AMZ1: variants seen among roughly 807,000 people sequenced by gnomAD.
AMZ1 encodes the protein archaemetzincin-1.
A neutral mutation model predicts 29.9 loss-of-function variants in AMZ1; 39 were observed. The ratio of observed to expected loss-of-function variants is 1.30; its 90% confidence interval spans 1.01 to 1.70. The LOEUF is 1.70. Among genes scored for constraint, AMZ1 ranks in the 40% most tolerant of loss-of-function variants. The pLI, the probability that AMZ1 is intolerant of heterozygous loss-of-function variation, is 0.00. For missense variants in AMZ1, 1,041 were observed against 680.6 expected (o/e 1.53, Z -5.89); for synonymous variants, 458 against 304.0 (o/e 1.51, Z -5.27).
intron 4 of AMZ1, among the ~76,000 whole-genome samples, chr7:2,758,484 T>C (rs1178000292): frequency 6.6e-6 from 1 of 152,126 alleles, no homozygotes; most frequent in African/African-American, 2.4e-5. Flanking sequence ...CCCTGTGCAA[T>C]TTCTTCCCCT....
At chr7:2,723,911 GGCCAGATTTTTTTTTGA>G (rs1307443799), downstream of AMZ1, among the ~76,000 whole-genome samples, 1 of 152,072 alleles carries the variant, frequency 6.6e-6, no homozygotes, top group Non-Finnish European at 1.5e-5. Flanking sequence ...CTGGACTTCT[GGCCAGATTTTTTTTTGA>G]GACAGTCTTG....
intron 4 of AMZ1, among the ~76,000 whole-genome samples, chr7:2,749,278 T>C (rs798506): frequency 0.22 from 34,202 of 152,032 alleles, 4,590 homozygotes; most frequent in East Asian, 0.31. Flanking sequence ...CCAACAATGA[T>C]AGACTGGATT....
upstream of AMZ1, among the ~76,000 whole-genome samples, chr7:2,761,588 A>T (rs775439906): frequency 6.6e-6 from 1 of 152,226 alleles, no homozygotes; most frequent in Non-Finnish European, 1.5e-5. Context: ...CCTAGGATAC[A>T]AACAGTTCTC....
intron 4 of AMZ1, among the ~76,000 whole-genome samples, chr7:2,734,098 TCTC>T (rs952297366): frequency 2.6e-5 from 4 of 152,308 alleles, no homozygotes; most frequent in African/African-American, 7.2e-5. Context: ...TGGCCAGTCT[TCTC>T]CTGCCTGGAC....
At chr7:2,761,051 T>C (rs1791530466), upstream of AMZ1, among the ~76,000 whole-genome samples, 1 of 152,188 alleles carries the variant, frequency 6.6e-6, no homozygotes, top group Non-Finnish European at 1.5e-5. Context: ...CAATGACATG[T>C]AAACGGAGTC....
chr7:2,727,105 C>CA (rs534807496), intron 4 of AMZ1, among the ~76,000 whole-genome samples: 68 of 152,230 alleles, frequency 4.5e-4, no homozygotes, highest in Middle Eastern at 3.4e-3. Flanking sequence ...TTTTTGGAGA[C>CA]AGAGTCCCAC....
At position 2,742,214 on chromosome 7, in the gene AMZ1, G is replaced by A. The variant is rs1790542238; in HGVS notation, n.551-22498G>A. ...TTTTTGTATTTTTACTACAGACAGG[G>A]TTTTGCCCCATTTTGGCCAGGCTGG... On this transcript the variant is annotated intron_variant and non_coding_transcript_variant, in intron 4 of 4. Coordinates refer to the AMZ1 transcript ENST00000489665. Among the ~76,000 whole-genome samples the A allele has an allele frequency of 2.0e-5, 3 of 151,816 alleles. No homozygotes were observed. In the South Asian group the frequency reaches 6.3e-4, roughly 32 times the overall value.
At chr7:2,700,085 G>T (rs1458847697) in intron 1 of AMZ1, 149 bp from the exon 2 acceptor site, 1 of 240,340 alleles carries the variant, frequency 4.2e-6, no homozygotes, top group Admixed American at 4.9e-5. Context: ...TGGCAGTGCT[G>T]TGTCCTGGAG....
At chr7:2,686,474 C>G (rs1787082200), upstream of AMZ1, among the ~76,000 whole-genome samples, 1 of 152,132 alleles carries the variant, frequency 6.6e-6, no homozygotes, top group Non-Finnish European at 1.5e-5. Flanking sequence ...GTCGAGGCTA[C>G]AGTGACTCGC....
Position 2,697,912 on chromosome 7 carries a change from C to G in AMZ1, c.-218-2322C>G, listed in dbSNP as rs550323407. On this transcript the variant is annotated intron_variant, in intron 1 of 6. Transcript: ENST00000683327. ...ATTCAGTACCAGCCCCTCCCCTACTCTAAGCCAGTACGTTCCTCTGGAAAA... is the reference window on the plus strand; with the variant it reads ...ATTCAGTACCAGCCCCTCCCCTACTGTAAGCCAGTACGTTCCTCTGGAAAA... Among the ~76,000 whole-genome samples, 11 of 152,294 alleles carry G rather than the reference C, an allele frequency of 7.2e-5. No individual in the cohort carries two copies. In the East Asian group the frequency reaches 1.9e-3, roughly 27 times the overall value.
chr7:2,741,948 A>G (rs1790528085), intron 4 of AMZ1, among the ~76,000 whole-genome samples: 1 of 151,918 alleles, frequency 6.6e-6, no homozygotes, highest in African/African-American at 2.4e-5. Flanking sequence ...CCTCTAGCAC[A>G]GAATTTAGTA....
chr7:2,696,158 G>A lies in AMZ1; in HGVS notation c.-218-4076G>A, dbSNP rs115341471. ...GTTAGATTTAACCCTACTCCACCTC[G>A]GTTTTGAAAATGGGGACAAAAACTG... On this transcript the variant is annotated intron_variant, in intron 1 of 6. Transcript: ENST00000683327. 4.1e-3 allele frequency among the ~76,000 whole-genome samples: 624 copies of A among 152,040 alleles called. 6 individuals carry two copies. The highest frequency in any genetic ancestry group is 0.014 in the African/African-American group (580 of 41,454).
chr7:2,696,256 C>CCTT (rs1787714299), intron 1 of AMZ1, among the ~76,000 whole-genome samples: 1 of 104,602 alleles, frequency 9.6e-6, no homozygotes, highest in South Asian at 3.9e-4. Context: ...TCTTGATAGT[C>CCTT]ATTTTTTTTT....
intron 4 of AMZ1, among the ~76,000 whole-genome samples, chr7:2,750,704 T>C (rs1010676919): frequency 6.6e-6 from 1 of 152,216 alleles, no homozygotes; most frequent in African/African-American, 2.4e-5. Flanking sequence ...CGGGGGACTA[T>C]TGGACAGGCA....
intron 4 of AMZ1, chr7:2,733,433 G>C: frequency 1.2e-6 from 2 of 1,610,868 alleles, no homozygotes; most frequent in Non-Finnish European, 1.7e-6. Context: ...GCTTCTTCGG[G>C]CGGGCGTGCT....
chr7:2,710,296 G>T (rs955555139), intron 6 of AMZ1, among the ~76,000 whole-genome samples: 2 of 152,198 alleles, frequency 1.3e-5, no homozygotes, highest in Non-Finnish European at 2.9e-5. Context: ...TGGGGTTGCC[G>T]AGCAAAGGGC....
At chr7:2,729,886 T>G (rs142101183) in intron 4 of AMZ1, 1 of 152,406 alleles carries the variant, frequency 6.6e-6, no homozygotes, top group Admixed American at 6.5e-5. Flanking sequence ...GCTGGACAAG[T>G]GAGCTGGGCC....
intron 4 of AMZ1, among the ~76,000 whole-genome samples, chr7:2,756,560 A>G (rs1041363985): frequency 1.3e-5 from 2 of 152,012 alleles, no homozygotes; most frequent in Admixed American, 1.3e-4. Context: ...GGCTGCAGTG[A>G]GCCACAATCG....
chr7:2,720,867 AG>A (rs1305069530), downstream of AMZ1, among the ~76,000 whole-genome samples: 11 of 151,898 alleles, frequency 7.2e-5, no homozygotes, highest in Admixed American at 6.6e-5. Flanking sequence ...TGGTAGAGAC[AG>A]GGTTTCAGCC....
Sources: gnomAD v4.1 joint callset for allele counts (sites outside exome capture counted in the v4.1 genomes callset) on GRCh38, gnomAD v4.1.1 for gene constraint, MANE v1.5 for transcripts, NCBI Gene and HGNC (gene_info 2026-07-23, HGNC 2026-07-21) for gene names.